The following PRKG1 variants were observed in gnomAD, a reference collection of about 807,000 sequenced individuals.
PRKG1 encodes protein kinase cGMP-dependent 1, also known as cGMP-dependent protein kinase 1.
A neutral mutation model predicts 88.1 loss-of-function variants in PRKG1; 35 were observed. That is an observed-to-expected ratio of 0.40 (90% confidence interval 0.30 to 0.53). PRKG1 has a LOEUF of 0.53. Among genes scored for constraint, PRKG1 ranks in the 20% least tolerant of loss-of-function variants. The pLI is 0.59. For synonymous variants in PRKG1, 303 were observed against 292.5 expected (o/e 1.04, Z -0.37); for missense variants, 540 against 839.8 (o/e 0.64, Z 4.41).
chr10:50,998,143 C>T (rs1429185959), intron 1 of PRKG1, among the ~76,000 whole-genome samples: 2 of 152,158 alleles, frequency 1.3e-5, no homozygotes, highest in Non-Finnish European at 2.9e-5. Flanking sequence ...TTTGCCACTC[C>T]TTGTTGAAGT....
chr10:51,108,532 A>G (rs1279408440), intron 1 of PRKG1, among the ~76,000 whole-genome samples: 4 of 152,192 alleles, frequency 2.6e-5, no homozygotes, highest in African/African-American at 9.6e-5. Flanking sequence ...AAAACACTAT[A>G]TGATCATCTC....
rs559661924 is a variant in PRKG1, at chr10:51,194,624, T to C, written c.478+41294T>C. Among the ~76,000 whole-genome samples the C allele has an allele frequency of 3.6e-4, 55 of 152,274 alleles. No homozygotes were observed. The South Asian group carries it at 0.011, about 30-fold the overall frequency. ...TACATTGAATGAAAAAATTTATTTGTGTTCAGATTGTCATATTTTAGTAGT... is the reference window on the plus strand; with the variant it reads ...TACATTGAATGAAAAAATTTATTTGCGTTCAGATTGTCATATTTTAGTAGT... On this transcript the variant is annotated intron_variant, in intron 2 of 17. Coordinates refer to ENST00000373980, the MANE Select transcript of PRKG1 (RefSeq NM_006258.4).
chr10:51,841,782 A>G (rs1840282495), intron 4 of PRKG1, among the ~76,000 whole-genome samples: 1 of 152,158 alleles, frequency 6.6e-6, no homozygotes, highest in South Asian at 2.1e-4. Context: ...TCCCAGGTTC[A>G]AGCGATTCTC....
At chr10:51,565,101 T>C (rs1837565490) in intron 3 of PRKG1, among the ~76,000 whole-genome samples, 2 of 152,226 alleles carry the variant, frequency 1.3e-5, no homozygotes, top group South Asian at 4.1e-4. Context: ...AAATAAGCGT[T>C]GATAATTGAA....
intron 3 of PRKG1, chr10:51,698,596 G>C (rs370688838): frequency 6.2e-7 from 1 of 1,613,704 alleles, no homozygotes; most frequent in African/African-American, 1.3e-5. Context: ...CAGGAGTCAC[G>C]GGTCCGCGAG....
chr10:51,473,024 A>G (rs1440990547), intron 3 of PRKG1, among the ~76,000 whole-genome samples: 2 of 151,968 alleles, frequency 1.3e-5, no homozygotes, highest in Non-Finnish European at 2.9e-5. Context: ...CACAAATGTT[A>G]TCATCGCAGA....
intron 3 of PRKG1, among the ~76,000 whole-genome samples, chr10:51,502,908 A>G (rs1363814282): frequency 6.6e-6 from 1 of 152,218 alleles, no homozygotes; most frequent in African/African-American, 2.4e-5. Flanking sequence ...GTAAGGCTAT[A>G]TACCTATTTC....
At chr10:52,011,567 C>T (rs1341232582) in intron 5 of PRKG1, among the ~76,000 whole-genome samples, 1 of 152,158 alleles carries the variant, frequency 6.6e-6, no homozygotes, top group Non-Finnish European at 1.5e-5. Flanking sequence ...TTTTCAAGTG[C>T]TCCTTTGCTT....
chr10:51,972,430 G>T (rs1166892051), intron 5 of PRKG1, among the ~76,000 whole-genome samples: 3 of 152,128 alleles, frequency 2.0e-5, no homozygotes, highest in African/African-American at 7.2e-5. Flanking sequence ...AGGTGAGATT[G>T]CTATGCTGAA....
chr10:51,556,705 C>T (rs1285711858), intron 3 of PRKG1, among the ~76,000 whole-genome samples: 5 of 151,914 alleles, frequency 3.3e-5, no homozygotes, highest in Non-Finnish European at 7.4e-5. Flanking sequence ...CAACGATAGA[C>T]ACTGGGAACT....
intron 2 of PRKG1, among the ~76,000 whole-genome samples, chr10:51,433,335 A>T (rs1170737471): frequency 6.6e-6 from 1 of 152,128 alleles, no homozygotes; most frequent in Non-Finnish European, 1.5e-5. Context: ...CTTTAAAATC[A>T]GATGAAACAT....
chr10:51,137,490 A>G (rs1845717486), intron 1 of PRKG1, among the ~76,000 whole-genome samples: 1 of 152,136 alleles, frequency 6.6e-6, no homozygotes, highest in Non-Finnish European at 1.5e-5. Flanking sequence ...TGATTGGAAC[A>G]CTTAGTACTA....
At chr10:51,062,104 TC>T (rs1476325033) in intron 1 of PRKG1, among the ~76,000 whole-genome samples, 1 of 152,214 alleles carries the variant, frequency 6.6e-6, no homozygotes, top group Non-Finnish European at 1.5e-5. Flanking sequence ...TTACTTTTGC[TC>T]CTGATGGGCA....
intron 9 of PRKG1, among the ~76,000 whole-genome samples, chr10:52,180,929 T>C (rs1351332202): frequency 6.6e-6 from 1 of 152,232 alleles, no homozygotes; most frequent in Admixed American, 6.5e-5. Context: ...CATGGCTGCC[T>C]GGCTTCTCAG....
intron 5 of PRKG1, among the ~76,000 whole-genome samples, chr10:52,051,979 C>T (rs1429451025): frequency 1.2e-5 from 1 of 86,332 alleles, no homozygotes; most frequent in Non-Finnish European, 2.1e-5. Context: ...AAGATGTTCT[C>T]CTCTCCCGCT....
rs552693104 is a variant in PRKG1 at position 52,275,626 on chromosome 10, A to T, written c.1403+3145A>T. Among the ~76,000 whole-genome samples the T allele has an allele frequency of 2.1e-4, 32 of 151,944 alleles. 1 individual carries two copies. The South Asian group carries it at 6.6e-3, about 32-fold the overall frequency. ...AAATCAGTTAGTGTGATGTCTCCAG[A>T]TTTGTTCTTTTTGCTTAATCTTGCT... On this transcript the variant is annotated intron_variant, in intron 12 of 17. Coordinates refer to ENST00000373980, the MANE Select transcript of PRKG1 (RefSeq NM_006258.4).
chr10:52,267,395 A>C (rs1041520608), intron 10 of PRKG1, among the ~76,000 whole-genome samples: 2 of 152,100 alleles, frequency 1.3e-5, no homozygotes, highest in Non-Finnish European at 2.9e-5. Context: ...AATTAGAAAG[A>C]TTCAGACAAT....
At chr10:51,649,283 A>C (rs890845210) in intron 3 of PRKG1, among the ~76,000 whole-genome samples, 7 of 152,160 alleles carry the variant, frequency 4.6e-5, no homozygotes, top group Non-Finnish European at 1.0e-4. Context: ...TTTTAAAGAG[A>C]AGAAATAATC....
At chr10:51,677,415 A>C (rs1385113559) in intron 3 of PRKG1, among the ~76,000 whole-genome samples, 2 of 152,178 alleles carry the variant, frequency 1.3e-5, no homozygotes, top group Admixed American at 1.3e-4. Flanking sequence ...TTGAGACAGA[A>C]TGCATAATTC....
Sources: allele counts gnomAD v4.1 joint callset (sites outside exome capture counted in the v4.1 genomes callset), GRCh38; gene constraint gnomAD v4.1.1; transcripts MANE v1.5; gene names NCBI Gene and HGNC (gene_info 2026-07-23, HGNC 2026-07-21).